Variants in FLRT1 observed in about 807,000 individuals in gnomAD.
FLRT1 encodes the protein leucine-rich repeat transmembrane protein FLRT1.
FLRT1 carries 14 observed loss-of-function variants against 30.9 expected under a neutral mutation model. That is an observed-to-expected ratio of 0.45 (90% CI 0.30 to 0.71). FLRT1 has a LOEUF of 0.71. Among genes scored for constraint, FLRT1 ranks in the 30% least tolerant of loss-of-function variants. The pLI is 0.08. For missense variants in FLRT1, 737 were observed against 949.2 expected, an observed-to-expected ratio of 0.78 and a Z score of 2.94; for synonymous variants, 368 against 430.4, an observed-to-expected ratio of 0.85 and a Z score of 1.80.
At chr11:64,106,479 A>G (rs1944765353) in intron 2 of FLRT1, among the ~76,000 whole-genome samples, 1 of 152,214 alleles carries the variant, frequency 6.6e-6, no homozygotes, top group Non-Finnish European at 1.5e-5. Context: ...ATAGGAGTTT[A>G]CATTCTAAGG....
intron 1 of FLRT1, among the ~76,000 whole-genome samples, chr11:64,099,165 G>C (rs1051906824): frequency 6.6e-6 from 1 of 152,208 alleles, no homozygotes; most frequent in Admixed American, 6.5e-5. Flanking sequence ...GTCATAACAT[G>C]AGAGTACCCC....
chr11:64,065,605 C>G (rs529398138), intron 1 of FLRT1, among the ~76,000 whole-genome samples: 3 of 139,094 alleles, frequency 2.2e-5, no homozygotes, highest in Non-Finnish European at 4.9e-5. Context: ...CTGGCTAACA[C>G]GGTGAAACCC....
intron 1 of FLRT1, among the ~76,000 whole-genome samples, chr11:64,049,025 C>T (rs1943640336): frequency 6.6e-6 from 1 of 152,214 alleles, no homozygotes; most frequent in Non-Finnish European, 1.5e-5. Flanking sequence ...GCCTCCTGCC[C>T]TGAGTGTGGG....
intron 1 of FLRT1, among the ~76,000 whole-genome samples, chr11:64,068,722 G>C (rs946888223): frequency 5.9e-5 from 9 of 152,242 alleles, no homozygotes; most frequent in African/African-American, 2.2e-4. Flanking sequence ...GGGCAGAGAA[G>C]CTGCAGCTGG....
At chr11:64,066,887 G>T (rs905006518) in intron 1 of FLRT1, among the ~76,000 whole-genome samples, 2 of 152,242 alleles carry the variant, frequency 1.3e-5, no homozygotes, top group African/African-American at 4.8e-5. Flanking sequence ...TGAAGAGCCA[G>T]GATTCAGGCT....
intron 1 of FLRT1, among the ~76,000 whole-genome samples, chr11:64,060,814 C>T (rs1236038567): frequency 6.6e-6 from 1 of 152,234 alleles, no homozygotes; most frequent in Admixed American, 6.5e-5. Context: ...AGTCCTGCAG[C>T]CCCCGGGTCG....
At chr11:64,055,549 T>C (rs1318619923) in intron 1 of FLRT1, among the ~76,000 whole-genome samples, 2 of 152,146 alleles carry the variant, frequency 1.3e-5, no homozygotes, top group African/African-American at 4.8e-5. Flanking sequence ...ACTGGTGTCC[T>C]TTCCAGCACG....
At chr11:64,065,789 CAAAAA>C (rs58096977) in intron 1 of FLRT1, among the ~76,000 whole-genome samples, 1 of 67,564 alleles carries the variant, frequency 1.5e-5, no homozygotes. Context: ...GACTCCGCCT[CAAAAA>C]AAAAAAAAAA....
intron 1 of FLRT1, among the ~76,000 whole-genome samples, chr11:64,070,875 GC>G (rs1565219016): frequency 3.3e-5 from 5 of 152,072 alleles, no homozygotes; most frequent in Admixed American, 2.6e-4. Context: ...AATGAATGGG[GC>G]CCCCCTCTGG....
At chr11:64,053,890 G>A (rs1280063873) in intron 1 of FLRT1, among the ~76,000 whole-genome samples, 6 of 152,124 alleles carry the variant, frequency 3.9e-5, no homozygotes, top group African/African-American at 9.7e-5. Context: ...CCGCATACCC[G>A]GTTGCTTCCG....
chr11:64,113,011 A>G (rs570825935), intron 2 of FLRT1, among the ~76,000 whole-genome samples: 1 of 152,264 alleles, frequency 6.6e-6, no homozygotes, highest in East Asian at 1.9e-4. Context: ...GTGACATGAA[A>G]ACACCAGTCA....
chr11:64,038,950 G>A (rs1002632205), intron 1 of FLRT1, among the ~76,000 whole-genome samples: 12 of 152,208 alleles, frequency 7.9e-5, no homozygotes, highest in Admixed American at 4.6e-4. Flanking sequence ...GAGAGGATGC[G>A]TATGAGGTTT....
rs78407638 is a variant in FLRT1 at position 64,040,430 on chromosome 11, G to C, written c.-1038+4271G>C. Among the ~76,000 whole-genome samples, 394 of 152,316 alleles carry C rather than the reference G, an allele frequency of 2.6e-3. 10 individuals carry two copies. The East Asian group carries it at 0.063, about 24-fold the overall frequency. On this transcript the variant is annotated intron_variant, in intron 1 of 2. Coordinates refer to ENST00000682287, the MANE Select transcript of FLRT1 (RefSeq NM_013280.5). ...CAGAGGGGCTCAAGGCACCCGGCCA[G>C]GGCTGGGGCTGGTGGGCTGTCTCCC...
chr11:64,041,484 G>C (rs1365283565), intron 1 of FLRT1, among the ~76,000 whole-genome samples: 1 of 152,056 alleles, frequency 6.6e-6, no homozygotes, highest in Non-Finnish European at 1.5e-5. Context: ...AGGGGAGTGA[G>C]GAGGGTGCCC....
intron 1 of FLRT1, among the ~76,000 whole-genome samples, chr11:64,050,327 G>C (rs477400): frequency 0.17 from 25,877 of 152,148 alleles, 2,389 homozygotes; most frequent in Non-Finnish European, 0.2. Flanking sequence ...ACTGAGTTTA[G>C]TGCTCTTCCC....
intron 1 of FLRT1, among the ~76,000 whole-genome samples, chr11:64,050,984 C>G (rs976580518): frequency 6.6e-6 from 1 of 152,220 alleles, no homozygotes; most frequent in African/African-American, 2.4e-5. Context: ...GTCCCCTGAG[C>G]CCCACTCCTG....
rs1945031900 is a variant in FLRT1 at position 64,118,228 on chromosome 11, G to A, written c.1961G>A (p.Gly654Asp). Reference protein sequence around the residue: ...SSLCKATHTIGYGTTRGYRDG... With the variant: ...SSLCKATHTIDYGTTRGYRDG... Reference sequence around the variant, plus strand: ...CTCTGCAAGGCCACACACACCATTGGCTACGGCACCACGCGGGGCTACCGG... The same window carrying A: ...CTCTGCAAGGCCACACACACCATTGACTACGGCACCACGCGGGGCTACCGG... Residue 654 changes from glycine to aspartate, a missense_variant, in exon 3 of 3, where the codon GGC (glycine) becomes GAC (aspartate). Transcript: ENST00000682287. 1 of 1,612,128 alleles carries A rather than the reference G, an allele frequency of 6.2e-7. No individual in the cohort carries two copies. Among genetic ancestry groups the A allele is most frequent in the Non-Finnish European group, 8.5e-7 (1 of 1,179,116 alleles).
rs905972278 is a variant in FLRT1 at position 64,049,659 on chromosome 11, G to A, written c.-1038+13500G>A. Among the ~76,000 whole-genome samples, 9 of 152,348 alleles carry A rather than the reference G, an allele frequency of 5.9e-5. No individual in the cohort carries two copies. In the East Asian group the frequency reaches 1.2e-3, roughly 20 times the overall value. ...GAGGTGCCTGCTGAAGGGGGTGGAC[G>A]CTGGGGGTGCAGACAGACAGCTCAG... On this transcript the variant is annotated intron_variant, in intron 1 of 2. Coordinates refer to ENST00000682287, the MANE Select transcript of FLRT1 (RefSeq NM_013280.5).
chr11:64,072,295 C>T (rs978874337), intron 1 of FLRT1, among the ~76,000 whole-genome samples: 2 of 152,092 alleles, frequency 1.3e-5, no homozygotes, highest in Admixed American at 6.5e-5. Flanking sequence ...AGCCAGGCCC[C>T]AGAACTGTAG....
Sources: gnomAD v4.1 joint callset for allele counts (sites outside exome capture counted in the v4.1 genomes callset) on GRCh38, gnomAD v4.1.1 for gene constraint, MANE v1.5 for transcripts, NCBI Gene and HGNC (gene_info 2026-07-23, HGNC 2026-07-21) for gene names.